The following CNTNAP5 variants were observed in gnomAD, a reference collection of about 807,000 sequenced individuals.
CNTNAP5 encodes the protein contactin-associated protein-like 5.
A neutral mutation model predicts 150.2 loss-of-function variants in CNTNAP5; 72 were observed. The observed-to-expected ratio is 0.48, with a 90% CI of 0.40 to 0.58. The LOEUF (loss-of-function observed/expected upper bound fraction) is 0.58. Among genes scored for constraint, CNTNAP5 ranks in the 20% least tolerant of loss-of-function variants. The probability of loss-of-function intolerance (pLI) is 0.00; values close to 1 mark genes in which losing one functional copy is unlikely to be tolerated. For synonymous variants in CNTNAP5, 672 were observed against 619.8 expected, an observed-to-expected ratio of 1.08 and a Z score of -1.25; for missense variants, 1,636 against 1,626.2, an observed-to-expected ratio of 1.01 and a Z score of -0.10.
intron 1 of CNTNAP5, among the ~76,000 whole-genome samples, chr2:124,162,317 A>G (rs1388747624): frequency 6.6e-6 from 1 of 152,188 alleles, no homozygotes; most frequent in Admixed American, 6.5e-5. Flanking sequence ...TTGATTATTT[A>G]TAGGTATTAC....
At chr2:124,467,320 GAAAAGCCAAGGT>G (rs1179060330) in intron 6 of CNTNAP5, among the ~76,000 whole-genome samples, 1 of 152,058 alleles carries the variant, frequency 6.6e-6, no homozygotes, top group Non-Finnish European at 1.5e-5. Context: ...AGTTCAAGAG[GAAAAGCCAAGGT>G]TGGGAATGTT....
chr2:124,043,429 GC>G (rs1681442191), intron 1 of CNTNAP5, among the ~76,000 whole-genome samples: 1 of 152,192 alleles, frequency 6.6e-6, no homozygotes, highest in East Asian at 1.9e-4. Context: ...CTCAAACCAA[GC>G]CTTCTTTGTC....
intron 11 of CNTNAP5, among the ~76,000 whole-genome samples, chr2:124,591,966 C>A (rs375493191): frequency 5.3e-5 from 8 of 152,050 alleles, no homozygotes; most frequent in African/African-American, 1.9e-4. Flanking sequence ...ATTAGATAAA[C>A]ATTAGCATAG....
chr2:124,613,138 C>T (rs936659524), intron 12 of CNTNAP5, among the ~76,000 whole-genome samples: 2 of 152,104 alleles, frequency 1.3e-5, no homozygotes, highest in Non-Finnish European at 2.9e-5. Flanking sequence ...AAATGGAAAA[C>T]AATTTTCTGA....
chr2:124,357,360 T>C (rs1690042308), intron 3 of CNTNAP5, among the ~76,000 whole-genome samples: 1 of 152,232 alleles, frequency 6.6e-6, no homozygotes, highest in Non-Finnish European at 1.5e-5. Context: ...CTTTTGGTGT[T>C]GTGGACATGA....
At chr2:124,856,219 A>G (rs1233973961) in intron 19 of CNTNAP5, among the ~76,000 whole-genome samples, 2 of 152,084 alleles carry the variant, frequency 1.3e-5, no homozygotes, top group African/African-American at 4.8e-5. Flanking sequence ...ACATACCACA[A>G]TTTCTTAATC....
At chr2:124,156,416 A>C (rs917697347) in intron 1 of CNTNAP5, among the ~76,000 whole-genome samples, 1 of 152,242 alleles carries the variant, frequency 6.6e-6, no homozygotes, top group African/African-American at 2.4e-5. Flanking sequence ...TCAACCACAG[A>C]ATTGCTGTAG....
intron 12 of CNTNAP5, among the ~76,000 whole-genome samples, chr2:124,641,210 G>A (rs1678087168): frequency 6.6e-6 from 1 of 151,636 alleles, no homozygotes; most frequent in Non-Finnish European, 1.5e-5. Context: ...TCAACCCTAT[G>A]CTTTCTATTC....
intron 11 of CNTNAP5, among the ~76,000 whole-genome samples, chr2:124,607,644 G>T (rs1437996900): frequency 6.6e-6 from 1 of 152,138 alleles, no homozygotes; most frequent in Non-Finnish European, 1.5e-5. Context: ...GCTTCCACAG[G>T]GAGAAAGGGG....
intron 1 of CNTNAP5, among the ~76,000 whole-genome samples, chr2:124,057,783 G>A (rs532310679): frequency 5.3e-5 from 8 of 152,006 alleles, no homozygotes; most frequent in Middle Eastern, 3.4e-3. Context: ...GGCAGTGTGT[G>A]GAGAGGTAGA....
intron 13 of CNTNAP5, among the ~76,000 whole-genome samples, chr2:124,694,907 A>C (rs767617928): frequency 1.8e-4 from 28 of 152,134 alleles, no homozygotes; most frequent in Non-Finnish European, 3.8e-4. Flanking sequence ...GGCATATGCT[A>C]AAGCTTTGCT....
At chr2:124,108,737 T>TAAA (rs1210460708) in intron 1 of CNTNAP5, among the ~76,000 whole-genome samples, 11 of 152,190 alleles carry the variant, frequency 7.2e-5, no homozygotes, top group Non-Finnish European at 1.6e-4. Context: ...AGCCACCCAC[T>TAAA]GGTTTGTAGA....
chr2:124,813,104 T>C (rs910753979), intron 19 of CNTNAP5, among the ~76,000 whole-genome samples: 4 of 151,876 alleles, frequency 2.6e-5, no homozygotes, highest in Non-Finnish European at 4.4e-5. Flanking sequence ...TGTGATGGAG[T>C]CTTGCTCTGT....
intron 21 of CNTNAP5, among the ~76,000 whole-genome samples, chr2:124,874,644 A>T (rs1049897641): frequency 6.6e-6 from 1 of 152,096 alleles, no homozygotes; most frequent in Non-Finnish European, 1.5e-5. Flanking sequence ...TATTATTATT[A>T]TCTCTTCTTA....
At chr2:124,820,714 C>T (rs77862408) in intron 19 of CNTNAP5, among the ~76,000 whole-genome samples, 5,217 of 152,190 alleles carry the variant, frequency 0.034, 109 homozygotes, top group Non-Finnish European at 0.053. Flanking sequence ...AGTCATTATG[C>T]GCATTATCTC....
At position 124,160,523 on chromosome 2, in the gene CNTNAP5, C is replaced by T. The variant is rs963796583; in HGVS notation, c.83-61182C>T. ...TTCTCTCCAGTGTTTTCTGTCTTTGCCTTTTTTTTTTTTAAAGTTAAGAGC... is the reference window on the plus strand; with the variant it reads ...TTCTCTCCAGTGTTTTCTGTCTTTGTCTTTTTTTTTTTTAAAGTTAAGAGC... On this transcript the variant is annotated intron_variant, in intron 1 of 23. Transcript: ENST00000682447. 1.6e-3 allele frequency among the ~76,000 whole-genome samples: 9 copies of T among 5,652 alleles called. No individual in the cohort carries two copies. In the Admixed American group the frequency reaches 0.022, roughly 14 times the overall value. The allele number at this position is 5,652 out of a possible 152,430, so 3.7% of individuals were successfully genotyped here.
intron 6 of CNTNAP5, 60 bp from the exon 7 acceptor site, chr2:124,474,679 T>A: frequency 7.0e-7 from 1 of 1,428,496 alleles, no homozygotes. Flanking sequence ...GTGTTTACTT[T>A]CCTTTCCTAA....
chr2:124,395,379 CTTGTAGTTCTCAGTT>C (rs1691220013), intron 3 of CNTNAP5, among the ~76,000 whole-genome samples: 1 of 152,116 alleles, frequency 6.6e-6, no homozygotes, highest in Non-Finnish European at 1.5e-5. Flanking sequence ...AACTTACTGA[CTTGTAGTTCTCAGTT>C]TCCTCATTTC....
chr2:124,511,584 C>T (rs1694591897), intron 8 of CNTNAP5, among the ~76,000 whole-genome samples: 1 of 152,192 alleles, frequency 6.6e-6, no homozygotes, highest in Non-Finnish European at 1.5e-5. Flanking sequence ...AGTCTAGAAT[C>T]ATGGATGCTC....
Sources: allele counts gnomAD v4.1 joint callset (sites outside exome capture counted in the v4.1 genomes callset), GRCh38; gene constraint gnomAD v4.1.1; transcripts MANE v1.5; gene names NCBI Gene and HGNC (gene_info 2026-07-23, HGNC 2026-07-21).